The following RABL3 variants were observed in gnomAD, a reference collection of about 807,000 sequenced individuals.
RABL3 encodes RAB, member of RAS oncogene family like 3, also known as rab-like protein 3.
RABL3 carries 31 observed loss-of-function variants against 31.8 expected under a neutral mutation model. The ratio of observed to expected loss-of-function variants is 0.97; its 90% CI spans 0.73 to 1.31. The LOEUF (loss-of-function observed/expected upper bound fraction) is 1.31, where lower values mean the gene tolerates loss of function less well. Ranked by LOEUF, RABL3 falls within the 40% of genes most tolerant of loss-of-function variation. The pLI is 0.00. For missense variants in RABL3, 263 were observed against 279.6 expected (o/e 0.94, Z 0.42); for synonymous variants, 97 against 99.9 (o/e 0.97, Z 0.18).
intron 1 of RABL3, among the ~76,000 whole-genome samples, chr3:120,734,760 T>C (rs978438028): frequency 2.6e-5 from 4 of 152,222 alleles, no homozygotes; most frequent in East Asian, 1.9e-4. Context: ...CAAAGGGCTG[T>C]AGAATTTTGT....
chr3:120,715,152 G>A (rs149961463), intron 2 of RABL3, among the ~76,000 whole-genome samples: 5 of 152,234 alleles, frequency 3.3e-5, no homozygotes, highest in African/African-American at 1.2e-4. Flanking sequence ...AATCATTAGT[G>A]CCTAGGATAA....
At chr3:120,725,661 G>A (rs926047402) in intron 2 of RABL3, among the ~76,000 whole-genome samples, 5 of 152,250 alleles carry the variant, frequency 3.3e-5, no homozygotes, top group East Asian at 1.9e-4. Flanking sequence ...CATGGATGAA[G>A]CTGGAAACCA....
At chr3:120,702,627 G>A (rs369583281) in intron 4 of RABL3, among the ~76,000 whole-genome samples, 7 of 150,744 alleles carry the variant, frequency 4.6e-5, no homozygotes, top group East Asian at 2.0e-4. Flanking sequence ...GCGTGATCTC[G>A]GCTCACTGCA....
intron 1 of RABL3, among the ~76,000 whole-genome samples, chr3:120,741,929 G>A (rs1030023410): frequency 6.6e-6 from 1 of 152,174 alleles, no homozygotes; most frequent in Non-Finnish European, 1.5e-5. Context: ...AAAGGATTCT[G>A]TCATTTACAT....
At chr3:120,716,411 A>G (rs1708670179) in intron 2 of RABL3, among the ~76,000 whole-genome samples, 1 of 152,210 alleles carries the variant, frequency 6.6e-6, no homozygotes, top group Non-Finnish European at 1.5e-5. Flanking sequence ...ATTACTGAGT[A>G]CATACATTAA....
At chr3:120,702,070 T>C (rs1436485805) in intron 4 of RABL3, among the ~76,000 whole-genome samples, 1 of 152,292 alleles carries the variant, frequency 6.6e-6, no homozygotes, top group South Asian at 2.1e-4. Flanking sequence ...TTCTGGCTCA[T>C]GAAACAAGAA....
intron 1 of RABL3, among the ~76,000 whole-genome samples, chr3:120,736,858 G>T (rs1708973367): frequency 6.6e-6 from 1 of 152,158 alleles, no homozygotes. Flanking sequence ...TTGAATATTG[G>T]TCCTCACTCT....
rs1236455236 is a variant in RABL3, at chr3:120,685,205, A to G, written c.*4618T>C. Among the ~76,000 whole-genome samples the G allele has an allele frequency of 6.6e-6, 1 of 152,224 alleles. No individual in the cohort carries two copies. The highest frequency in any genetic ancestry group is 1.9e-4 in the East Asian group (1 of 5,196). Reference sequence around the variant, plus strand: ...TTACATCCAGGAATTGCTACAAGGTAATGTGAAGCAGGGTGTGACAGGTCT... The same window carrying G: ...TTACATCCAGGAATTGCTACAAGGTGATGTGAAGCAGGGTGTGACAGGTCT... On this transcript the variant is annotated 3_prime_UTR_variant, in exon 8 of 8. Transcript: ENST00000273375.
chr3:120,694,075 C>T, intron 6 of RABL3, 78 bp downstream of exon 6: 1 of 859,938 alleles, frequency 1.2e-6, no homozygotes, highest in Non-Finnish European at 1.9e-6. Flanking sequence ...AAATAAAGGT[C>T]ATAGGATTCT....
At position 120,687,097 on chromosome 3, in the gene RABL3, A is replaced by T. The variant is rs1708317580; in HGVS notation, c.*2726T>A. ...GAATCCCATCAACGTTAAGATGGAG[A>T]GACCAGCCCAAATCTTTAGTTGGAT... On this transcript the variant is annotated 3_prime_UTR_variant, in exon 8 of 8. Transcript: ENST00000273375. 1 of 152,184 alleles carries T rather than the reference A, an allele frequency of 6.6e-6. No individual in the cohort carries two copies. The highest frequency in any genetic ancestry group is 1.5e-5 in the Non-Finnish European group (1 of 68,028). 9.4% of individuals were successfully genotyped at this position (152,184 alleles called of 1,614,324 possible).
chr3:120,695,407 T>A (rs747423301), intron 5 of RABL3, among the ~76,000 whole-genome samples: 3 of 152,148 alleles, frequency 2.0e-5, no homozygotes, highest in Non-Finnish European at 4.4e-5. Flanking sequence ...TGTGTAACAC[T>A]GGTTAGGGTA....
Position 120,735,615 on chromosome 3 carries a change from T to C in RABL3, c.47-4828A>G, listed in dbSNP as rs917005978. ...TTGAATGTGTTTGCTCTTGCTTCTCTAGTTCTTTTAATTGTGATGTTAGGG... is the reference window on the plus strand; with the variant it reads ...TTGAATGTGTTTGCTCTTGCTTCTCCAGTTCTTTTAATTGTGATGTTAGGG... On this transcript the variant is annotated intron_variant, in intron 1 of 7. Coordinates refer to ENST00000273375, the MANE Select transcript of RABL3 (RefSeq NM_173825.5). 1.8e-4 allele frequency among the ~76,000 whole-genome samples: 27 copies of C among 152,288 alleles called. No individual in the cohort carries two copies. In the Middle Eastern group the frequency reaches 0.017, roughly 96 times the overall value.
chr3:120,708,508 T>G (rs1377420491), intron 3 of RABL3, among the ~76,000 whole-genome samples: 1 of 152,020 alleles, frequency 6.6e-6, no homozygotes, highest in African/African-American at 2.4e-5. Flanking sequence ...GTGTTATATA[T>G]TCAGACTTCT....
intron 1 of RABL3, among the ~76,000 whole-genome samples, chr3:120,738,869 C>A (rs1240576245): frequency 1.3e-5 from 2 of 152,068 alleles, no homozygotes; most frequent in African/African-American, 2.4e-5. Flanking sequence ...TCTGTTTAAA[C>A]CTTTGTTTAA....
chr3:120,740,873 G>A (rs1422872525), intron 1 of RABL3, among the ~76,000 whole-genome samples: 2 of 152,092 alleles, frequency 1.3e-5, no homozygotes, highest in African/African-American at 2.4e-5. Context: ...CAGGGGAGGC[G>A]GGCAGTAGGG....
intron 2 of RABL3, among the ~76,000 whole-genome samples, chr3:120,727,115 A>G (rs537079799): frequency 6.6e-6 from 1 of 152,296 alleles, no homozygotes; most frequent in South Asian, 2.1e-4. Context: ...TCAACAAGTT[A>G]GAAAGAAGAC....
At chr3:120,708,812 G>C (rs553298314) in intron 3 of RABL3, among the ~76,000 whole-genome samples, 1 of 151,994 alleles carries the variant, frequency 6.6e-6, no homozygotes, top group South Asian at 2.1e-4. Flanking sequence ...ATAGAATTCT[G>C]AGCTAAATAG....
chr3:120,699,787 A>T (rs1334855705), intron 4 of RABL3, among the ~76,000 whole-genome samples: 1 of 152,172 alleles, frequency 6.6e-6, no homozygotes, highest in African/African-American at 2.4e-5. Flanking sequence ...TCTCACAAAA[A>T]TATTACCATT....
chr3:120,735,270 T>C (rs1015378449), intron 1 of RABL3, among the ~76,000 whole-genome samples: 10 of 152,228 alleles, frequency 6.6e-5, no homozygotes, highest in African/African-American at 2.4e-4. Flanking sequence ...GGTTTAGTCT[T>C]GGGAGGGTGT....
Sources: allele counts gnomAD v4.1 joint callset (sites outside exome capture counted in the v4.1 genomes callset), GRCh38; gene constraint gnomAD v4.1.1; transcripts MANE v1.5; gene names NCBI Gene and HGNC (gene_info 2026-07-23, HGNC 2026-07-21).